Variants in TENT5D observed in about 807,000 individuals in gnomAD.
TENT5D encodes the protein terminal nucleotidyltransferase 5D.
For missense variants in TENT5D, 191 were observed against 287.0 expected (o/e 0.67, Z 2.42); for synonymous variants, 103 against 100.6 (o/e 1.02, Z -0.15).
chrX:80,418,522 G>A (rs1403265284), upstream of TENT5D, among the ~76,000 whole-genome samples: 7 of 111,187 alleles, frequency 6.3e-5, no homozygotes, highest in Non-Finnish European at 3.8e-5. Context: ...GATGAAACCA[G>A]AATATTTGGA....
intron 3 of TENT5D, among the ~76,000 whole-genome samples, chrX:80,359,447 A>G (rs1055427110): frequency 8.9e-6 from 1 of 112,349 alleles, no homozygotes; most frequent in Non-Finnish European, 1.9e-5. Context: ...TGGCACATAT[A>G]CACCATGGAA....
intron 3 of TENT5D, among the ~76,000 whole-genome samples, chrX:80,380,653 G>A (rs745498371): frequency 4.5e-5 from 5 of 111,511 alleles, no homozygotes; most frequent in East Asian, 5.7e-4. Context: ...TGTATTGGGC[G>A]CATATATATT....
upstream of TENT5D, among the ~76,000 whole-genome samples, chrX:80,419,361 G>A (rs771015430): frequency 9.0e-6 from 1 of 111,697 alleles, no homozygotes; most frequent in South Asian, 3.7e-4. Flanking sequence ...TTATTTCTTT[G>A]TCATATATTA....
rs369767539 is a variant in TENT5D at position 80,382,730 on chromosome X, C to A, written c.-142+40166C>A. 6.4e-5 allele frequency among the ~76,000 whole-genome samples: 7 copies of A among 109,219 alleles called. No homozygotes were observed. The East Asian group carries it at 1.8e-3, about 29-fold the overall frequency. The allele number at this position is 109,219 out of a possible 115,157, so 94.8% of individuals were successfully genotyped here. On this transcript the variant is annotated intron_variant, in intron 3 of 4. Coordinates refer to the TENT5D transcript ENST00000538312. The stretch of plus-strand genomic sequence containing the variant: ...CCCCCCCCCCACTGCCAGGCTGCTG[C>A]CTCGCAGTTCAATCTGGGACTGCTG...
chrX:80,415,275 C>T (rs1179015611), intron 3 of TENT5D, among the ~76,000 whole-genome samples: 1 of 111,239 alleles, frequency 9.0e-6, no homozygotes, highest in African/African-American at 3.3e-5. Context: ...TATTTGGATA[C>T]CCTTTATTTT....
At chrX:80,387,718 C>T in intron 3 of TENT5D, among the ~76,000 whole-genome samples, 1 of 110,826 alleles carries the variant, frequency 9.0e-6, no homozygotes, top group East Asian at 2.9e-4. Context: ...CTGGTCTCAC[C>T]CAAGGCCGAG....
chrX:80,441,042 G>T (rs780611621), intron 2 of TENT5D, among the ~76,000 whole-genome samples: 1 of 110,845 alleles, frequency 9.0e-6, no homozygotes, highest in Non-Finnish European at 1.9e-5. Context: ...CATTTCATTC[G>T]ATAGATAAAT....
rs755126405 is a variant in TENT5D, at chrX:80,362,179, C to G, written c.-142+19615C>G. ...ACATGATTTTATCTTTTTTTTTTTTCTTGAGACGGAGTCTTGCTCTGTTGC... is the reference window on the plus strand; with the variant it reads ...ACATGATTTTATCTTTTTTTTTTTTGTTGAGACGGAGTCTTGCTCTGTTGC... On this transcript the variant is annotated intron_variant, in intron 3 of 4. Transcript: ENST00000538312. Among the ~76,000 whole-genome samples, 15 of 105,689 alleles carry G rather than the reference C, an allele frequency of 1.4e-4. No homozygotes were observed. In the East Asian group the frequency reaches 4.1e-3, roughly 29 times the overall value. 91.8% of individuals were successfully genotyped at this position (105,689 alleles called of 115,157 possible).
intron 3 of TENT5D, among the ~76,000 whole-genome samples, chrX:80,377,268 G>T (rs1294931151): frequency 3.6e-5 from 4 of 110,939 alleles, no homozygotes; most frequent in Admixed American, 9.7e-5. Context: ...TAAGTTCTAG[G>T]GTACATGTGC....
chrX:80,410,306 A>G (rs1931622454), intron 3 of TENT5D, among the ~76,000 whole-genome samples: 1 of 97,079 alleles, frequency 1.0e-5, no homozygotes, highest in Non-Finnish European at 2.1e-5. Context: ...GTGAACAGGC[A>G]ACCTACAAAA....
At chrX:80,434,143 A>C (rs1179154823) in intron 1 of TENT5D, among the ~76,000 whole-genome samples, 5 of 58,306 alleles carry the variant, frequency 8.6e-5, no homozygotes, top group African/African-American at 2.6e-4. Flanking sequence ...TCTCAAAAAA[A>C]ACAAAACAAA....
At chrX:80,365,805 C>T (rs1384185477) in intron 3 of TENT5D, among the ~76,000 whole-genome samples, 2 of 108,418 alleles carry the variant, frequency 1.8e-5, no homozygotes, top group African/African-American at 6.8e-5. Context: ...TGTACCACTG[C>T]ACTCCAGCCT....
At chrX:80,393,380 G>A (rs1267340658) in intron 3 of TENT5D, among the ~76,000 whole-genome samples, 1 of 108,284 alleles carries the variant, frequency 9.2e-6, no homozygotes. Flanking sequence ...CTTTTTTCCC[G>A]TTTCTCTCCC....
chrX:80,409,939 A>G (rs1384142085), intron 3 of TENT5D, among the ~76,000 whole-genome samples: 2 of 108,506 alleles, frequency 1.8e-5, no homozygotes, highest in Non-Finnish European at 3.8e-5. Context: ...CAGAAATAAC[A>G]CCGCATATCT....
chrX:80,433,109 A>G (rs2147566721), intron 1 of TENT5D, among the ~76,000 whole-genome samples: 1 of 112,006 alleles, frequency 8.9e-6, no homozygotes, highest in African/African-American at 3.2e-5. Context: ...AGTGCCCACA[A>G]GAACCCACCA....
chrX:80,355,153 C>T (rs752436133), intron 3 of TENT5D, among the ~76,000 whole-genome samples: 8 of 112,159 alleles, frequency 7.1e-5, no homozygotes, highest in Non-Finnish European at 1.3e-4. Context: ...ATTCTACTGG[C>T]AGAGCAGTAG....
Position 80,370,889 on chromosome X carries a change from A to G in TENT5D, c.-142+28325A>G, listed in dbSNP as rs573053496. Among the ~76,000 whole-genome samples the G allele has an allele frequency of 4.9e-4, 55 of 112,275 alleles. No individual in the cohort carries two copies. The South Asian group carries it at 0.02, about 41-fold the overall frequency. ...CAATATGAGGTTTTTAACAATATGA[A>G]AAAATATGTATATGTCAATGTGCTA... On this transcript the variant is annotated intron_variant, in intron 3 of 4. Coordinates refer to the TENT5D transcript ENST00000538312.
At position 80,357,555 on chromosome X, in the gene TENT5D, G is replaced by A. The variant is rs183296928; in HGVS notation, c.-142+14991G>A. On this transcript the variant is annotated intron_variant, in intron 3 of 4. Coordinates refer to the TENT5D transcript ENST00000538312. ...TCATGTGTTTTTTGGCCGCATAAAT[G>A]TCTTCTTTTGAGAAGTATCTGTTCA... is the stretch of plus-strand genomic sequence containing the variant. 4.5e-3 allele frequency among the ~76,000 whole-genome samples: 506 copies of A among 111,462 alleles called. 1 individual carries two copies. Among genetic ancestry groups the A allele is most frequent in the Non-Finnish European group, 7.9e-3 (421 of 53,087 alleles).
chrX:80,348,917 T>A (rs1034668723), intron 3 of TENT5D, among the ~76,000 whole-genome samples: 7 of 112,304 alleles, frequency 6.2e-5, no homozygotes, highest in Admixed American at 3.8e-4. Flanking sequence ...ATTGAGATAA[T>A]CACGTGGTTT....
Sources: allele counts gnomAD v4.1 joint callset (sites outside exome capture counted in the v4.1 genomes callset), GRCh38; gene constraint gnomAD v4.1.1; transcripts MANE v1.5; gene names NCBI Gene and HGNC (gene_info 2026-07-23, HGNC 2026-07-21).